The following SGCG variants were observed in gnomAD, a reference collection of about 807,000 sequenced individuals.
The protein encoded by SGCG is sarcoglycan gamma, also known as gamma-sarcoglycan.
Under a neutral mutation model 29.3 loss-of-function variants are expected in SGCG, and 26 were observed. The ratio of observed to expected loss-of-function variants is 0.89; its 90% CI spans 0.65 to 1.23. The LOEUF is 1.23. Ranked by LOEUF, SGCG falls within the 50% of genes most tolerant of loss-of-function variation. The pLI is 0.00. For missense variants in SGCG, 353 were observed against 356.0 expected, an observed-to-expected ratio of 0.99 and a Z score of 0.07; for synonymous variants, 145 against 129.7, an observed-to-expected ratio of 1.12 and a Z score of -0.80.
chr13:23,293,956 C>T (rs958213721), intron 5 of SGCG, among the ~76,000 whole-genome samples: 20 of 152,168 alleles, frequency 1.3e-4, no homozygotes, highest in African/African-American at 4.8e-4. Context: ...AATATTGAAA[C>T]TAGTACAAGG....
chr13:23,241,514 G>C lies in SGCG; in HGVS notation c.297+6802G>C, dbSNP rs563692316. Among the ~76,000 whole-genome samples the C allele has an allele frequency of 1.5e-4, 23 of 152,186 alleles. No individual in the cohort carries two copies. The South Asian group carries it at 3.1e-3, about 21-fold the overall frequency. On this transcript the variant is annotated intron_variant, in intron 3 of 7. Transcript: ENST00000218867. ...ATAAAGGAAAGTCCAGGACCAGAAG[G>C]CTTCACCGCTGAATTCTACCAAACA...
chr13:23,278,609 G>T (rs1208602862), intron 4 of SGCG, among the ~76,000 whole-genome samples: 1 of 152,172 alleles, frequency 6.6e-6, no homozygotes, highest in Non-Finnish European at 1.5e-5. Context: ...AATTATGAGT[G>T]CCTGAGGTGC....
rs1391400807 is a variant in SGCG, at chr13:23,232,336, A to C, written c.196-2275A>C. Among the ~76,000 whole-genome samples, 3 of 152,222 alleles carry C rather than the reference A, an allele frequency of 2.0e-5. No homozygotes were observed. The South Asian group carries it at 6.2e-4, about 32-fold the overall frequency. On this transcript the variant is annotated intron_variant, in intron 2 of 7. Transcript: ENST00000218867. ...AACTGATGATGTCTTTGAAAGTAGA[A>C]GTCTATTGCCTAGCAGGTAATATTC...
intron 4 of SGCG, among the ~76,000 whole-genome samples, chr13:23,272,324 C>A (rs956873143): frequency 6.6e-6 from 1 of 152,138 alleles, no homozygotes; most frequent in African/African-American, 2.4e-5. Flanking sequence ...AAGACAGCAT[C>A]CCTCAATGCC....
intron 4 of SGCG, among the ~76,000 whole-genome samples, chr13:23,266,818 C>T (rs1002065173): frequency 6.6e-6 from 1 of 152,162 alleles, no homozygotes; most frequent in Non-Finnish European, 1.5e-5. Flanking sequence ...TTGGAAGCTT[C>T]CTGAGGCCGT....
intron 6 of SGCG, among the ~76,000 whole-genome samples, chr13:23,299,431 TATATATATATATATA>T (rs1486342279): frequency 0.015 from 234 of 15,788 alleles, 21 homozygotes; most frequent in East Asian, 0.071. Flanking sequence ...TATATATATA[TATATATATATATATA>T]TATATATATA....
At chr13:23,283,265 G>T (rs1482460565) in intron 5 of SGCG, among the ~76,000 whole-genome samples, 1 of 152,112 alleles carries the variant, frequency 6.6e-6, no homozygotes, top group African/African-American at 2.4e-5. Flanking sequence ...TCTCTTTGTA[G>T]GTCTCTAAGA....
chr13:23,299,407 CATATAT>C lies in SGCG; in HGVS notation c.578+3965_578+3970del, dbSNP rs1191940207. 5.5e-3 allele frequency among the ~76,000 whole-genome samples: 129 copies of C among 23,616 alleles called. 1 individual carries two copies. The highest frequency in any genetic ancestry group is 0.024 in the East Asian group (5 of 212). The allele number at this position is 23,616 out of a possible 152,430, so 15.5% of individuals were successfully genotyped here. On this transcript the variant is annotated intron_variant, in intron 6 of 7. Transcript: ENST00000218867. ...AAAGATTCTGGAATATCTTAGTTGG[CATATAT>C]ATATATATATATATATATATATATA...
chr13:23,217,163 C>T (rs61948492), intron 2 of SGCG, among the ~76,000 whole-genome samples: 9,262 of 152,094 alleles, frequency 0.061, 397 homozygotes, highest in Middle Eastern at 0.15. Flanking sequence ...TGATTTTTAT[C>T]CTCAAATAGT....
At chr13:23,307,225 G>C (rs1188603313) in intron 6 of SGCG, among the ~76,000 whole-genome samples, 1 of 152,128 alleles carries the variant, frequency 6.6e-6, no homozygotes, top group Admixed American at 6.6e-5. Context: ...CTCCCCTGAA[G>C]ACTGAATTGG....
intron 2 of SGCG, among the ~76,000 whole-genome samples, chr13:23,234,328 T>A (rs1486191350): frequency 4.0e-5 from 6 of 149,636 alleles, no homozygotes; most frequent in South Asian, 2.1e-4. Flanking sequence ...TAATTTTTTT[T>A]AAAAAAATGG....
intron 4 of SGCG, among the ~76,000 whole-genome samples, chr13:23,257,585 C>T (rs1399840326): frequency 1.3e-5 from 2 of 152,088 alleles, no homozygotes; most frequent in Non-Finnish European, 2.9e-5. Flanking sequence ...CTTTGGTTGC[C>T]ATTGCTTTTG....
intron 3 of SGCG, among the ~76,000 whole-genome samples, chr13:23,248,997 G>GA (rs147956071): frequency 0.69 from 78,113 of 112,524 alleles, 24,414 homozygotes; most frequent in East Asian, 0.77. Flanking sequence ...TCACAGAAAA[G>GA]AAAAAAAAAA....
chr13:23,212,740 T>G lies in SGCG; in HGVS notation c.195+8851T>G, dbSNP rs1370507978. On this transcript the variant is annotated intron_variant, in intron 2 of 7. Transcript: ENST00000218867. ...GAAGGCTCTTAGAAATGGATACTGCTAAGCTGCTTCCCAAGAGAGGCTGGT... is the reference window on the plus strand; with the variant it reads ...GAAGGCTCTTAGAAATGGATACTGCGAAGCTGCTTCCCAAGAGAGGCTGGT... 2.0e-5 allele frequency among the ~76,000 whole-genome samples: 3 copies of G among 152,152 alleles called. 1 individual carries two copies. The highest frequency in any genetic ancestry group is 4.4e-5 in the Non-Finnish European group (3 of 68,024).
upstream of SGCG, among the ~76,000 whole-genome samples, chr13:23,178,710 A>G (rs1876635786): frequency 6.6e-6 from 1 of 152,156 alleles, no homozygotes; most frequent in African/African-American, 2.4e-5. Context: ...CTCTCTCTAC[A>G]GATAACCTCA....
Position 23,314,480 on chromosome 13 carries a change from T to G in SGCG, c.579-6157T>G, listed in dbSNP as rs1882734008. 2.1e-5 allele frequency among the ~76,000 whole-genome samples: 3 copies of G among 142,272 alleles called. No homozygotes were observed. In the South Asian group the frequency reaches 6.8e-4, roughly 32 times the overall value. The allele number at this position is 142,272 out of a possible 152,430, so 93.3% of individuals were successfully genotyped here. ...GGTATATATATATAAGATATATATC[T>G]TATTAGTTCTGTCCCTCTAGGGAAC... On this transcript the variant is annotated intron_variant, in intron 6 of 7. Coordinates refer to ENST00000218867, the MANE Select transcript of SGCG (RefSeq NM_000231.3).
intron 7 of SGCG, among the ~76,000 whole-genome samples, chr13:23,323,292 C>G (rs1030730745): frequency 3.3e-5 from 5 of 152,230 alleles, no homozygotes; most frequent in Admixed American, 2.0e-4. Flanking sequence ...AGCTATTTGA[C>G]TTCTTTGACC....
At chr13:23,204,119 A>G (rs1448173338) in intron 2 of SGCG, among the ~76,000 whole-genome samples, 18 of 151,058 alleles carry the variant, frequency 1.2e-4, no homozygotes, top group Admixed American at 1.2e-3. Flanking sequence ...AATTTTTTTC[A>G]TTAGTCATCT....
chr13:23,170,460 G>A, the SGCG span: 1 of 152,250 alleles, frequency 6.6e-6, no homozygotes, highest in Non-Finnish European at 1.5e-5. Context: ...GAAAGTTTGA[G>A]TAGAAGGAGG....
Sources: gnomAD v4.1 joint callset for allele counts (sites outside exome capture counted in the v4.1 genomes callset) on GRCh38, gnomAD v4.1.1 for gene constraint, MANE v1.5 for transcripts, NCBI Gene and HGNC (gene_info 2026-07-23, HGNC 2026-07-21) for gene names.